The following DTWD1 variants were observed in gnomAD, a reference collection of about 807,000 sequenced individuals.
The protein encoded by DTWD1 is DTW motif tRNA-uridine aminocarboxypropyltransferase 1.
DTWD1 carries 27 observed loss-of-function variants against 30.2 expected under a neutral mutation model. The ratio of observed to expected loss-of-function variants is 0.90; its 90% CI spans 0.66 to 1.23. The LOEUF (loss-of-function observed/expected upper bound fraction) is 1.23, where lower values mean the gene tolerates loss of function less well. DTWD1 is among the 50% of genes most tolerant of loss of function. The pLI is 0.00. For synonymous variants in DTWD1, 99 were observed against 113.1 expected (o/e 0.88, Z 0.79); for missense variants, 342 against 348.8 (o/e 0.98, Z 0.15).
chr15:49,622,256 A>G (rs904010957), intron 1 of DTWD1, among the ~76,000 whole-genome samples: 3 of 152,214 alleles, frequency 2.0e-5, no homozygotes, highest in Admixed American at 6.5e-5. Context: ...TAGATTCACT[A>G]AAGTACCTCC....
At position 49,654,568 on chromosome 15, in the gene DTWD1, G is replaced by A. The variant is rs2079168951; in HGVS notation, c.*10990G>A. The A allele has an allele frequency of 6.6e-6, 1 of 151,990 alleles. No homozygotes were observed. The highest frequency in any genetic ancestry group is 2.1e-4 in the South Asian group (1 of 4,832). The allele number at this position is 151,990 out of a possible 1,614,324, so 9.4% of individuals were successfully genotyped here. ...GTCCCTAGAGACACCACATGGAAAG[G>A]CCACCTAGGGAAGAACTGAGATGCC... On this transcript the variant is annotated 3_prime_UTR_variant, in exon 5 of 5. Transcript: ENST00000403028.
At chr15:49,639,142 C>T (rs2079036288) in intron 4 of DTWD1, among the ~76,000 whole-genome samples, 1 of 152,142 alleles carries the variant, frequency 6.6e-6, no homozygotes, top group Non-Finnish European at 1.5e-5. Flanking sequence ...TTATTCAATC[C>T]TCACATCAAA....
Position 49,644,553 on chromosome 15 carries a change from T to G in DTWD1, c.*975T>G, listed in dbSNP as rs546225513. 2.0e-4 allele frequency: 30 copies of G among 152,340 alleles called. No individual in the cohort carries two copies. Among genetic ancestry groups the G allele is most frequent in the African/African-American group, 7.2e-4 (30 of 41,574 alleles). 9.4% of individuals were successfully genotyped at this position (152,340 alleles called of 1,614,324 possible). On this transcript the variant is annotated 3_prime_UTR_variant, in exon 5 of 5. Transcript: ENST00000403028. ...CTTTGCTCTCTTGCTTTTGGTTGGG[T>G]TCAACAAATGGGAAGCACCAGTGGG...
At chr15:49,643,120 A>T (rs1211945719) in intron 4 of DTWD1, among the ~76,000 whole-genome samples, 1 of 152,016 alleles carries the variant, frequency 6.6e-6, no homozygotes, top group Non-Finnish European at 1.5e-5. Flanking sequence ...AGATTTTATT[A>T]TTTGTTTTAT....
chr15:49,622,189 G>A (rs1427877366), intron 1 of DTWD1, among the ~76,000 whole-genome samples: 1 of 152,156 alleles, frequency 6.6e-6, no homozygotes, highest in African/African-American at 2.4e-5. Context: ...ATAAGAATCA[G>A]GAATAGGTGA....
chr15:49,640,871 G>GA (rs974871527), intron 4 of DTWD1, among the ~76,000 whole-genome samples: 4 of 151,414 alleles, frequency 2.6e-5, no homozygotes, highest in East Asian at 1.9e-4. Flanking sequence ...TTCTTTTGAG[G>GA]AAAAAAAACT....
At position 49,651,484 on chromosome 15, in the gene DTWD1, C is replaced by A. The variant is rs1006570006; in HGVS notation, c.*7906C>A. The A allele has an allele frequency of 6.6e-6, 1 of 152,148 alleles. No individual in the cohort carries two copies. Among genetic ancestry groups the A allele is most frequent in the African/African-American group, 2.4e-5 (1 of 41,446 alleles). 9.4% of individuals were successfully genotyped at this position (152,148 alleles called of 1,614,324 possible). A position where few individuals can be genotyped will look rare whatever the true frequency, so the allele number is the denominator to read the frequency against. On this transcript the variant is annotated 3_prime_UTR_variant, in exon 5 of 5. Coordinates refer to ENST00000403028, the MANE Select transcript of DTWD1 (RefSeq NM_001144955.2). ...ATGTCCACTGTGGAAAGGATGAAGA[C>A]TAAGCATAGGGTTCAGTAGCTTGAG... is the stretch of plus-strand genomic sequence containing the variant.
rs574458379 is a variant in DTWD1, at chr15:49,651,270, A to AC, written c.*7693dup. ...GTCTAGAATAGAGGCATGTGAATGG[A>AC]CATACTTGTGTCAAGTATGTACATG... On this transcript the variant is annotated 3_prime_UTR_variant, in exon 5 of 5. Coordinates refer to ENST00000403028, the MANE Select transcript of DTWD1 (RefSeq NM_001144955.2). The AC allele has an allele frequency of 6.6e-5, 10 of 152,144 alleles. No homozygotes were observed. The highest frequency in any genetic ancestry group is 1.3e-4 in the Non-Finnish European group (9 of 68,018). 9.4% of individuals were successfully genotyped at this position (152,144 alleles called of 1,614,324 possible).
In DTWD1 at chr15:49,651,076, G is replaced by A. The variant is rs1203289226; in HGVS notation, c.*7498G>A. The A allele has an allele frequency of 6.6e-6, 1 of 152,120 alleles. No homozygotes were observed. Among genetic ancestry groups the A allele is most frequent in the Non-Finnish European group, 1.5e-5 (1 of 68,012 alleles). 9.4% of individuals were successfully genotyped at this position (152,120 alleles called of 1,614,324 possible). A position where few individuals can be genotyped will look rare whatever the true frequency, so the allele number is the denominator to read the frequency against. ...ATATCAGGTATTTGAGACTCATGAA[G>A]GAAATAGTAAATTTAAGAATAACAG... On this transcript the variant is annotated 3_prime_UTR_variant, in exon 5 of 5. Transcript: ENST00000403028.
chr15:49,644,854 A>G lies in DTWD1; in HGVS notation c.*1276A>G, dbSNP rs529010691. Reference sequence around the variant, plus strand: ...TTGTTGCTTTACCTAAACCCTGCTCATACATTTGTAAATACTGTAGTTGTT... The same window carrying G: ...TTGTTGCTTTACCTAAACCCTGCTCGTACATTTGTAAATACTGTAGTTGTT... On this transcript the variant is annotated 3_prime_UTR_variant, in exon 5 of 5. Transcript: ENST00000403028. 2.6e-5 allele frequency: 4 copies of G among 152,244 alleles called. No homozygotes were observed. In the South Asian group the frequency reaches 6.2e-4, roughly 24 times the overall value. 9.4% of individuals were successfully genotyped at this position (152,244 alleles called of 1,614,324 possible).
chr15:49,633,043 C>CTATATGTATCTATATATA (rs368196512), intron 3 of DTWD1, among the ~76,000 whole-genome samples: 1 of 129,492 alleles, frequency 7.7e-6, no homozygotes. Flanking sequence ...CTATTTATAT[C>CTATATGTATCTATATATA]TATATCTATA....
At chr15:49,622,895 G>T (rs1018149323) in intron 1 of DTWD1, among the ~76,000 whole-genome samples, 2 of 152,156 alleles carry the variant, frequency 1.3e-5, no homozygotes, top group Non-Finnish European at 2.9e-5. Context: ...GGTATTTGTG[G>T]TGGTTGATTT....
intron 4 of DTWD1, among the ~76,000 whole-genome samples, chr15:49,635,659 A>AG (rs1393836217): frequency 6.6e-6 from 1 of 151,142 alleles, no homozygotes; most frequent in African/African-American, 2.4e-5. Flanking sequence ...ACGCCTGGCT[A>AG]ATTTTTTTGT....
rs1412479707 is a variant in DTWD1, at chr15:49,649,033, T to G, written c.*5455T>G. 1.3e-5 allele frequency: 2 copies of G among 152,138 alleles called. No homozygotes were observed. Among genetic ancestry groups the G allele is most frequent in the African/African-American group, 2.4e-5 (1 of 41,428 alleles). The allele number at this position is 152,138 out of a possible 1,614,324, so 9.4% of individuals were successfully genotyped here. Reference sequence around the variant, plus strand: ...AATGGGAAAGGCGTGGAAAAAAATTTGTGATTTCTAAAATTGAGGACATTA... The same window carrying G: ...AATGGGAAAGGCGTGGAAAAAAATTGGTGATTTCTAAAATTGAGGACATTA... On this transcript the variant is annotated 3_prime_UTR_variant, in exon 5 of 5. Coordinates refer to ENST00000403028, the MANE Select transcript of DTWD1 (RefSeq NM_001144955.2).
chr15:49,643,443 C>T lies in DTWD1; in HGVS notation c.780C>T (p.Asp260=). The stretch of plus-strand genomic sequence containing the variant: ...AAGCCATTTACTACTTTCTGGTAGA[C>T]TACCATACTGATATATTAAAAGAGA... ...TIEAIYYFLV[D]YHTDILKEKY... is the part of the protein sequence containing the mutation. The change falls in exon 5 of 5, where the codon GAC becomes GAT. Residue 260 remains aspartate, a synonymous_variant. Transcript: ENST00000403028. The T allele has an allele frequency of 6.2e-7, 1 of 1,608,660 alleles. No individual in the cohort carries two copies. Among genetic ancestry groups the T allele is most frequent in the South Asian group, 1.1e-5 (1 of 90,134 alleles).
rs2079169841 is a variant in DTWD1 at position 49,654,807 on chromosome 15, A to G, written c.*11229A>G. On this transcript the variant is annotated 3_prime_UTR_variant, in exon 5 of 5. Transcript: ENST00000403028. ...GCTACTGTAACAAAAAATATCATAG[A>G]TTGAGTGACTTAAACAACAGAAATT... 1 of 152,088 alleles carries G rather than the reference A, an allele frequency of 6.6e-6. No homozygotes were observed. The highest frequency in any genetic ancestry group is 1.5e-5 in the Non-Finnish European group (1 of 68,008). The allele number at this position is 152,088 out of a possible 1,614,324, so 9.4% of individuals were successfully genotyped here.
chr15:49,635,153 G>C (rs527246418), intron 4 of DTWD1, among the ~76,000 whole-genome samples: 59 of 152,128 alleles, frequency 3.9e-4, no homozygotes, highest in African/African-American at 1.4e-3. Flanking sequence ...TCCCACCTCA[G>C]CCTCCCAGGT....
chr15:49,629,452 T>C (rs1368405901), intron 2 of DTWD1: 2 of 152,214 alleles, frequency 1.3e-5, no homozygotes, highest in Admixed American at 6.5e-5. Context: ...ATCAGAAATA[T>C]TGATAACTTT....
intron 4 of DTWD1, among the ~76,000 whole-genome samples, chr15:49,642,324 T>C (rs940940827): frequency 6.6e-6 from 1 of 152,128 alleles, no homozygotes; most frequent in African/African-American, 2.4e-5. Context: ...CTAAAAGCAT[T>C]CTGGGTTTGT....
Sources: gnomAD v4.1 joint callset for allele counts (sites outside exome capture counted in the v4.1 genomes callset) on GRCh38, gnomAD v4.1.1 for gene constraint, MANE v1.5 for transcripts, NCBI Gene and HGNC (gene_info 2026-07-23, HGNC 2026-07-21) for gene names.